MYO9A: variants seen among roughly 807,000 people sequenced by gnomAD.
MYO9A encodes the protein unconventional myosin-IXa.
In MYO9A, 103 loss-of-function variants were observed where a neutral mutation model predicts 293.3. The observed-to-expected ratio is 0.35, with a 90% CI of 0.30 to 0.41. The LOEUF (loss-of-function observed/expected upper bound fraction) is 0.41, where lower values mean the gene tolerates loss of function less well. Among genes scored for constraint, MYO9A ranks in the 10% least tolerant of loss-of-function variants. The pLI is 1.00. For missense variants in MYO9A, 2,685 were observed against 3,033.0 expected, an observed-to-expected ratio of 0.89 and a Z score of 2.69; for synonymous variants, 1,001 against 1,035.7, an observed-to-expected ratio of 0.97 and a Z score of 0.64.
rs2054378870 is a variant in MYO9A, at chr15:71,824,246, A to G, written c.*2334T>C. 1 of 152,192 alleles carries G rather than the reference A, an allele frequency of 6.6e-6. No individual in the cohort carries two copies. Among genetic ancestry groups the G allele is most frequent in the South Asian group, 2.1e-4 (1 of 4,830 alleles). 9.4% of individuals were successfully genotyped at this position (152,192 alleles called of 1,614,324 possible). ...TCCAAACTGGAGTTTCAGGTCCCTGAGAAAAATTATAAAGTCTCTTAACAT... is the reference window on the plus strand; with the variant it reads ...TCCAAACTGGAGTTTCAGGTCCCTGGGAAAAATTATAAAGTCTCTTAACAT... On this transcript the variant is annotated 3_prime_UTR_variant, in exon 42 of 42. Coordinates refer to ENST00000356056, the MANE Select transcript of MYO9A (RefSeq NM_006901.4).
Position 71,824,943 on chromosome 15 carries a change from G to T in MYO9A, c.*1637C>A, listed in dbSNP as rs936749951. ...AGAGAGAGACTCTGCCTTAACAAAAGACTTAATATTTCCACAACTTCAAAG... is the reference window on the plus strand; with the variant it reads ...AGAGAGAGACTCTGCCTTAACAAAATACTTAATATTTCCACAACTTCAAAG... On this transcript the variant is annotated 3_prime_UTR_variant, in exon 42 of 42. Transcript: ENST00000356056. 2.6e-5 allele frequency: 4 copies of T among 151,874 alleles called. No homozygotes were observed. The highest frequency in any genetic ancestry group is 7.3e-5 in the African/African-American group (3 of 41,372). 9.4% of individuals were successfully genotyped at this position (151,874 alleles called of 1,614,324 possible). A position where few individuals can be genotyped will look rare whatever the true frequency, so the allele number is the denominator to read the frequency against.
chr15:71,893,847 T>C (rs936454365), intron 25 of MYO9A, 69 bp from the exon 26 acceptor site: 1 of 1,141,232 alleles, frequency 8.8e-7, no homozygotes, highest in Non-Finnish European at 1.3e-6. Context: ...GGTTAAAGAC[T>C]TCCAGCAAAT....
intron 25 of MYO9A, among the ~76,000 whole-genome samples, chr15:71,895,408 C>A (rs1273040740): frequency 6.6e-6 from 1 of 152,210 alleles, no homozygotes; most frequent in African/African-American, 2.4e-5. Flanking sequence ...ATCACCACTA[C>A]AGTACAAAAG....
At chr15:72,093,265 T>C (rs1410236838) in intron 1 of MYO9A, among the ~76,000 whole-genome samples, 1 of 152,160 alleles carries the variant, frequency 6.6e-6, no homozygotes, top group Non-Finnish European at 1.5e-5. Flanking sequence ...TGGTGGCTCA[T>C]GCCTGTAATT....
chr15:72,058,910 T>C (rs1433768986), intron 1 of MYO9A, among the ~76,000 whole-genome samples: 4 of 152,256 alleles, frequency 2.6e-5, no homozygotes, highest in Non-Finnish European at 5.9e-5. Context: ...TAATGCAGTG[T>C]TCTGTGCAGT....
intron 6 of MYO9A, among the ~76,000 whole-genome samples, chr15:72,011,610 G>T (rs1158532537): frequency 6.6e-6 from 1 of 151,742 alleles, no homozygotes; most frequent in East Asian, 1.9e-4. Context: ...AAAAAAAATT[G>T]TTGTGGAATA....
chr15:71,831,393 T>C (rs539982857), intron 39 of MYO9A, among the ~76,000 whole-genome samples: 6 of 152,358 alleles, frequency 3.9e-5, no homozygotes, highest in Non-Finnish European at 7.3e-5. Flanking sequence ...ATTTATTCTC[T>C]AGTCCTTTAC....
chr15:71,996,141 AT>A (rs370797320), intron 9 of MYO9A, among the ~76,000 whole-genome samples: 2,285 of 152,242 alleles, frequency 0.015, 54 homozygotes, highest in African/African-American at 0.051. Context: ...ATACCACTGT[AT>A]TTTTTTCCCC....
chr15:72,091,063 G>C (rs1490557795), intron 1 of MYO9A, among the ~76,000 whole-genome samples: 11 of 151,508 alleles, frequency 7.3e-5, no homozygotes, highest in African/African-American at 2.7e-4. Context: ...CCCAGGCATG[G>C]TGGCTCATAC....
At chr15:71,852,482 G>A in intron 35 of MYO9A, 1 of 301,062 alleles carries the variant, frequency 3.3e-6, no homozygotes. Context: ...TCCTGCCTCA[G>A]CCTCCGGAGT....
chr15:72,040,576 T>A (rs2929517), intron 2 of MYO9A, among the ~76,000 whole-genome samples: 2 of 152,000 alleles, frequency 1.3e-5, no homozygotes, highest in Non-Finnish European at 2.9e-5. Context: ...TAATCTTTCC[T>A]GGTCGTGTGA....
At chr15:72,102,181 C>G (rs1401104512) in intron 1 of MYO9A, among the ~76,000 whole-genome samples, 11 of 150,836 alleles carry the variant, frequency 7.3e-5, no homozygotes, top group Non-Finnish European at 1.3e-4. Context: ...GATCTGTGAC[C>G]TTACCCCCAA....
chr15:71,899,564 T>G (rs1271295275), intron 24 of MYO9A, 123 bp downstream of exon 24: 1 of 811,876 alleles, frequency 1.2e-6, no homozygotes, highest in African/African-American at 1.7e-5. Context: ...TATCACAGTA[T>G]AGTGGAAAAG....
At chr15:71,999,964 A>C in intron 8 of MYO9A, 24 bp from the exon 9 acceptor site, 2 of 1,564,322 alleles carry the variant, frequency 1.3e-6, no homozygotes, top group Non-Finnish European at 1.7e-6. Flanking sequence ...AAGTAAACTC[A>C]ATATGTAAGA....
intron 35 of MYO9A, among the ~76,000 whole-genome samples, chr15:71,852,858 G>A (rs1002736196): frequency 6.6e-6 from 1 of 152,220 alleles, no homozygotes; most frequent in African/African-American, 2.4e-5. Flanking sequence ...AGCACTTTGG[G>A]AGACTGAGAC....
intron 1 of MYO9A, among the ~76,000 whole-genome samples, chr15:72,112,179 A>C (rs189944001): frequency 6.6e-6 from 1 of 152,356 alleles, no homozygotes; most frequent in Non-Finnish European, 1.5e-5. Context: ...CAAAACTGAG[A>C]AAAAGTATGC....
chr15:71,876,007 A>G (rs900575643), intron 31 of MYO9A, among the ~76,000 whole-genome samples, 169 bp from the exon 32 acceptor site: 2 of 152,216 alleles, frequency 1.3e-5, no homozygotes, highest in Non-Finnish European at 2.9e-5. Flanking sequence ...GAAAAAATTT[A>G]AAATCTGATA....
chr15:71,852,362 C>CT lies in MYO9A; in HGVS notation c.6347-103dup, dbSNP rs1159987320. 0.084 allele frequency: 51,601 copies of CT among 610,996 alleles called. 117 individuals carry two copies. The highest frequency in any genetic ancestry group is 0.091 in the Non-Finnish European group (39,322 of 433,340). 37.8% of individuals were successfully genotyped at this position (610,996 alleles called of 1,614,324 possible). A position where few individuals can be genotyped will look rare whatever the true frequency, so the allele number is the denominator to read the frequency against. On this transcript the variant is annotated intron_variant, in intron 35 of 41. Transcript: ENST00000356056. The stretch of plus-strand genomic sequence containing the variant: ...ATCATTAAAGGAAGGCTTCATGTTT[C>CT]TTTTTTTTTTTTTTTTTTGAGATGG...
intron 41 of MYO9A, among the ~76,000 whole-genome samples, chr15:71,827,669 T>TA (rs201183457): frequency 0.012 from 1,778 of 152,172 alleles, 56 homozygotes; most frequent in Admixed American, 0.057. Context: ...TTATATTTCT[T>TA]ATCCCCTTAT....
Sources: allele counts gnomAD v4.1 joint callset (sites outside exome capture counted in the v4.1 genomes callset), GRCh38; gene constraint gnomAD v4.1.1; transcripts MANE v1.5; gene names NCBI Gene and HGNC (gene_info 2026-07-23, HGNC 2026-07-21).